Variants in SURF2 observed in about 807,000 individuals in gnomAD.
SURF2 encodes surfeit 2, also known as surfeit locus protein 2.
In SURF2, 32 loss-of-function variants were observed where a neutral mutation model predicts 26.2. That is an observed-to-expected ratio of 1.22 (90% CI 0.92 to 1.64). The LOEUF (loss-of-function observed/expected upper bound fraction) is 1.64. SURF2 is among the 40% of genes most tolerant of loss of function. The pLI is 0.00. For synonymous variants in SURF2, 173 were observed against 139.1 expected (o/e 1.24, Z -1.71); for missense variants, 415 against 341.6 (o/e 1.21, Z -1.69).
At chr9:133,359,875 C>T in intron 3 of SURF2, 75 bp from the exon 4 acceptor site, 1 of 1,497,700 alleles carries the variant, frequency 6.7e-7, no homozygotes, top group Non-Finnish European at 8.9e-7. Flanking sequence ...CGAGTGCAGT[C>T]CTCATAAGTT....
At chr9:133,359,153 G>C (rs1008449853) in intron 3 of SURF2, among the ~76,000 whole-genome samples, 3 of 152,172 alleles carry the variant, frequency 2.0e-5, no homozygotes, top group Non-Finnish European at 4.4e-5. Context: ...GATGGGACTG[G>C]GGCGCCGAGG....
intron 1 of SURF2, 37 bp downstream of exon 1, chr9:133,356,707 G>A: frequency 6.7e-7 from 1 of 1,493,394 alleles, no homozygotes; most frequent in Non-Finnish European, 8.9e-7. Context: ...TGGCGGAGAA[G>A]GGCGCAGTTG....
chr9:133,356,797 G>A, intron 1 of SURF2, 117 bp from the exon 2 acceptor site: 23 of 1,314,440 alleles, frequency 1.7e-5, no homozygotes, highest in Non-Finnish European at 2.2e-5. Flanking sequence ...AGAGGGGAGG[G>A]CAGGGGAGAG....
chr9:133,357,632 GGAT>G (rs1836643209), intron 2 of SURF2, 76 bp from the exon 3 acceptor site: 1 of 1,375,950 alleles, frequency 7.3e-7, no homozygotes, highest in East Asian at 2.3e-5. Context: ...GACTGTCCAG[GGAT>G]GAGTCCAAGA....
Position 133,361,120 on chromosome 9 carries a change from C to T in SURF2, c.752C>T (p.Ser251Phe). 1.2e-6 allele frequency: 2 copies of T among 1,614,192 alleles called. No individual in the cohort carries two copies. The highest frequency in any genetic ancestry group is 1.7e-6 in the Non-Finnish European group (2 of 1,180,018). ...CACCGCAAACCCAAGAGCTTCAGCT[C>T]CTGTAAACAGCCAGGTTAATAAAAG... Reference protein sequence around the residue: ...SHHRKPKSFSSCKQPG With the variant: ...SHHRKPKSFSFCKQPG Residue 251 changes from serine (S) to phenylalanine (F), a missense_variant, in exon 6 of 6, where the codon TCC becomes TTC. Coordinates refer to ENST00000371964, the MANE Select transcript of SURF2 (RefSeq NM_017503.5).
Position 133,356,769 on chromosome 9 carries a change from G to A in SURF2, c.78+99G>A, listed in dbSNP as rs1836610240. On this transcript the variant is annotated intron_variant, in intron 1 of 5. Coordinates refer to ENST00000371964, the MANE Select transcript of SURF2 (RefSeq NM_017503.5). The stretch of plus-strand genomic sequence containing the variant: ...GGAGAGGAGAGGGCAGGGGAGAGGG[G>A]AGAGGGGAGAGCAGGAGAGAGGGGA... 7 of 1,369,034 alleles carry A rather than the reference G, an allele frequency of 5.1e-6. No individual in the cohort carries two copies. The East Asian group carries it at 1.1e-4, about 21-fold the overall frequency. 84.8% of individuals were successfully genotyped at this position (1,369,034 alleles called of 1,614,324 possible).
At position 133,357,062 on chromosome 9, in the gene SURF2, A is replaced by G. The variant is rs1836626115; in HGVS notation, c.227A>G (p.Lys76Arg). The G allele has an allele frequency of 5.1e-6, 8 of 1,579,228 alleles. No individual in the cohort carries two copies. The highest frequency in any genetic ancestry group is 6.9e-6 in the Non-Finnish European group (8 of 1,164,292). The change falls in exon 2 of 6, where the codon AAG (lysine) becomes AGG (arginine). Residue 76 changes from lysine to arginine, a missense_variant. Coordinates refer to ENST00000371964, the MANE Select transcript of SURF2 (RefSeq NM_017503.5). ...EFEPHIVPST[K>R]NPHQLFCKLT... Reference sequence around the variant, plus strand: ...GAGCCGCACATCGTGCCCAGCACCAAGAACCCGTAGGTGGTCCGCGGCGGC... The same window carrying G: ...GAGCCGCACATCGTGCCCAGCACCAGGAACCCGTAGGTGGTCCGCGGCGGC...
rs1029487778 is a variant in SURF2, at chr9:133,357,608, C to A, written c.234-103C>A. 5 of 1,132,280 alleles carry A rather than the reference C, an allele frequency of 4.4e-6. No individual in the cohort carries two copies. The African/African-American group carries it at 4.6e-5, about 10-fold the overall frequency. 70.1% of individuals were successfully genotyped at this position (1,132,280 alleles called of 1,614,324 possible). ...CGGGAGCCTTTAAAAGCCCGATGTCCAAGCCGCATGGTAGACTGTCCAGGG... is the reference window on the plus strand; with the variant it reads ...CGGGAGCCTTTAAAAGCCCGATGTCAAAGCCGCATGGTAGACTGTCCAGGG... On this transcript the variant is annotated intron_variant, in intron 2 of 5. Coordinates refer to ENST00000371964, the MANE Select transcript of SURF2 (RefSeq NM_017503.5).
chr9:133,356,669 A>G lies in SURF2; in HGVS notation c.77A>G (p.Lys26Arg). 6.6e-7 allele frequency: 1 copy of G among 1,513,694 alleles called. No homozygotes were observed. The highest frequency in any genetic ancestry group is 8.8e-7 in the Non-Finnish European group (1 of 1,137,436). 93.8% of individuals were successfully genotyped at this position (1,513,694 alleles called of 1,614,324 possible). A position where few individuals can be genotyped will look rare whatever the true frequency, so the allele number is the denominator to read the frequency against. The change falls in exon 1 of 6, where the codon AAG becomes AGG. Residue 26 changes from lysine (K) to arginine (R), a missense_variant and splice_region_variant. Transcript: ENST00000371964. ...CTGCGGCTCCAGACGGACGCCCGCA[A>G]GGTTCGCAGCGCGGGAGGGGAACGG... is the stretch of plus-strand genomic sequence containing the variant. Reference protein sequence around the residue: ...PSLRLQTDARKVRCILTGHEL... With the variant: ...PSLRLQTDARRVRCILTGHEL...
chr9:133,356,790 G>C, intron 1 of SURF2, 120 bp downstream of exon 1: 1 of 1,415,638 alleles, frequency 7.1e-7, no homozygotes, highest in Non-Finnish European at 9.3e-7. Context: ...GCAGGAGAGA[G>C]GGGAGGGCAG....
At position 133,357,900 on chromosome 9, in the gene SURF2, C is replaced by G. The variant is rs148668856; in HGVS notation, c.337+86C>G. 3.1e-4 allele frequency: 402 copies of G among 1,299,208 alleles called. 1 individual carries two copies. In the African/African-American group the frequency reaches 5.1e-3, roughly 17 times the overall value. 80.5% of individuals were successfully genotyped at this position (1,299,208 alleles called of 1,614,324 possible). ...AGATGGAGCGTGCTTGAAGGCAGGT[C>G]GTCCTTCAGCGATCCGTGTTGATGC... is the stretch of plus-strand genomic sequence containing the variant. On this transcript the variant is annotated intron_variant, in intron 3 of 5. Transcript: ENST00000371964.
rs1312219892 is a variant in SURF2 at position 133,360,356 on chromosome 9, G to A, written c.609G>A (p.Lys203=). The A allele has an allele frequency of 2.5e-6, 4 of 1,613,960 alleles. No homozygotes were observed. Among genetic ancestry groups the A allele is most frequent in the African/African-American group, 2.7e-5 (2 of 74,926 alleles). ...CAGACAAAGAGGATGAGAAGGCAAA[G>A]CCCCCAAGAGAGAAGGCCACTGATG... The part of the protein sequence containing the change: ...FLTDKEDEKA[K]PPREKATDEG... The change falls in exon 5 of 6, where the codon AAG becomes AAA. Residue 203 remains lysine (K), a synonymous_variant. Coordinates refer to ENST00000371964, the MANE Select transcript of SURF2 (RefSeq NM_017503.5).
intron 2 of SURF2, chr9:133,357,360 G>A (rs1242416288): frequency 2.3e-5 from 12 of 519,606 alleles, no homozygotes; most frequent in Non-Finnish European, 3.4e-5. Flanking sequence ...CCCCAGAAGG[G>A]GTCTTTGATT....
chr9:133,356,903 C>CGCGTCCGCAGGTGAGGT lies in SURF2; in HGVS notation c.79-8_87dup. On this transcript the variant is annotated splice_polypyrimidine_tract_variant and intron_variant, in intron 1 of 5. Transcript: ENST00000371964. ...GCCCTCCTGACGTCCTGCCCGCCCACGCGTCCGCAGGTGAGGTGCATCCTG... is the reference window on the plus strand; with the variant it reads ...GCCCTCCTGACGTCCTGCCCGCCCACGCGTCCGCAGGTGAGGTGCGTCCGCAGGTGAGGTGCATCCTG... The CGCGTCCGCAGGTGAGGT allele has an allele frequency of 3.2e-6, 5 of 1,543,086 alleles. No individual in the cohort carries two copies. Among genetic ancestry groups the CGCGTCCGCAGGTGAGGT allele is most frequent in the Non-Finnish European group, 4.4e-6 (5 of 1,143,416 alleles).
Position 133,359,968 on chromosome 9 carries a change from A to T in SURF2, c.356A>T (p.Gln119Leu). The T allele has an allele frequency of 6.2e-7, 1 of 1,612,048 alleles. No individual in the cohort carries two copies. Among genetic ancestry groups the T allele is most frequent in the African/African-American group, 1.3e-5 (1 of 75,006 alleles). Residue 119 changes from glutamine to leucine, a missense_variant, in exon 4 of 6, where the codon CAA (glutamine) becomes CTA (leucine). Gln to Leu is a moderately radical substitution (Grantham distance 113, BLOSUM62 -2). Transcript: ENST00000371964. ...CTCCCAGATGAAGAATGTCAGAAGC[A>T]AGGGGTGGAGTACGTGCCTGCCTGC... Reference protein sequence around the residue: ...ALCKYEECQKQGVEYVPACLV... With the variant: ...ALCKYEECQKLGVEYVPACLV...
intron 2 of SURF2, 63 bp downstream of exon 2, chr9:133,357,131 C>T: frequency 7.0e-7 from 1 of 1,436,222 alleles, no homozygotes; most frequent in East Asian, 2.8e-5. Flanking sequence ...CCGCTGGACT[C>T]CGCCAGTGCT....
chr9:133,357,017 C>A lies in SURF2; in HGVS notation c.182C>A (p.Ala61Asp), dbSNP rs1263346594. ...CAGCGGCTGGTCCGCGCCTCCCCGG[C>A]CTTCGACTATGCAGAGTTCGAGCCG... The part of the protein sequence containing the change: ...KYQRLVRASP[A>D]FDYAEFEPHI... The change falls in exon 2 of 6, where the codon GCC becomes GAC. Residue 61 changes from alanine to aspartate, a missense_variant. By Grantham distance (126) the Ala-to-Asp change is moderately radical (BLOSUM62 -2). Coordinates refer to ENST00000371964, the MANE Select transcript of SURF2 (RefSeq NM_017503.5). 1.3e-6 allele frequency: 2 copies of A among 1,573,250 alleles called. No individual in the cohort carries two copies. Among genetic ancestry groups the A allele is most frequent in the African/African-American group, 2.7e-5 (2 of 74,224 alleles).
intron 3 of SURF2, among the ~76,000 whole-genome samples, chr9:133,359,705 G>A (rs2130043637): frequency 6.6e-6 from 1 of 152,356 alleles, no homozygotes; most frequent in Non-Finnish European, 1.5e-5. Flanking sequence ...GGCTAGATCG[G>A]GGATGAGTGG....
rs1214312802 is a variant in SURF2 at position 133,357,234 on chromosome 9, G to GCGGTCCCA, written c.233+166_233+167insCGGTCCCA. On this transcript the variant is annotated intron_variant, in intron 2 of 5. Coordinates refer to ENST00000371964, the MANE Select transcript of SURF2 (RefSeq NM_017503.5). ...TGCGGTCCCAGCGGCGAGGCCTCTT[G>GCGGTCCCA]GTGAGCTCGTTTGCTCACCTGAGGT... The GCGGTCCCA allele has an allele frequency of 2.5e-4, 203 of 813,810 alleles. 2 individuals are homozygous for GCGGTCCCA. The African/African-American group carries it at 3.3e-3, about 13-fold the overall frequency. The allele number at this position is 813,810 out of a possible 1,614,324, so 50.4% of individuals were successfully genotyped here.
Sources: gnomAD v4.1 joint callset for allele counts (sites outside exome capture counted in the v4.1 genomes callset) on GRCh38, gnomAD v4.1.1 for gene constraint, MANE v1.5 for transcripts, NCBI Gene and HGNC (gene_info 2026-07-23, HGNC 2026-07-21) for gene names.